The following NKAIN3 variants were observed in gnomAD, a reference collection of about 807,000 sequenced individuals.
NKAIN3 encodes the protein sodium/potassium transporting ATPase interacting 3, also known as sodium/potassium-transporting ATPase subunit beta-1-interacting protein 3.
In NKAIN3, 25 loss-of-function variants were observed where a neutral mutation model predicts 30.2. The observed-to-expected ratio is 0.83, with a 90% CI of 0.60 to 1.16. The LOEUF is 1.16. NKAIN3 is among the 50% of genes most tolerant of loss of function. The pLI is 0.00. For synonymous variants in NKAIN3, 91 were observed against 89.6 expected (o/e 1.02, Z -0.09); for missense variants, 225 against 254.1 (o/e 0.89, Z 0.78).
intron 1 of NKAIN3, among the ~76,000 whole-genome samples, chr8:62,578,905 G>A (rs1363765359): frequency 1.3e-5 from 2 of 151,916 alleles, no homozygotes; most frequent in Admixed American, 1.3e-4. Flanking sequence ...GGGGAGCGAG[G>A]AAAAGATAAA....
At chr8:62,460,579 C>T (rs1182592571) in intron 1 of NKAIN3, among the ~76,000 whole-genome samples, 1 of 151,912 alleles carries the variant, frequency 6.6e-6, no homozygotes, top group African/African-American at 2.4e-5. Flanking sequence ...CACTTGAGTC[C>T]CATTCCCTGC....
chr8:62,446,645 G>A (rs1190410501), intron 1 of NKAIN3, among the ~76,000 whole-genome samples: 1 of 152,008 alleles, frequency 6.6e-6, no homozygotes, highest in East Asian at 1.9e-4. Context: ...ACCAACCTTG[G>A]TAAACATCAT....
At chr8:62,681,305 T>G (rs73264870) in intron 3 of NKAIN3, among the ~76,000 whole-genome samples, 342 of 152,286 alleles carry the variant, frequency 2.2e-3, no homozygotes, top group African/African-American at 7.9e-3. Flanking sequence ...GAATGAGAGG[T>G]TATAGTAAAT....
intron 3 of NKAIN3, among the ~76,000 whole-genome samples, chr8:62,606,024 A>G (rs185387641): frequency 1.5e-3 from 231 of 152,274 alleles, no homozygotes; most frequent in African/African-American, 5.0e-3. Flanking sequence ...CTTCACAGAT[A>G]TGCTGTAATT....
At chr8:62,888,848 T>C (rs1270306191) in intron 4 of NKAIN3, among the ~76,000 whole-genome samples, 1 of 152,200 alleles carries the variant, frequency 6.6e-6, no homozygotes, top group Admixed American at 6.5e-5. Context: ...TTCTTACTTT[T>C]AGAGCAATGA....
At chr8:62,317,533 A>C (rs1236800355) in intron 1 of NKAIN3, among the ~76,000 whole-genome samples, 2 of 152,148 alleles carry the variant, frequency 1.3e-5, no homozygotes, top group Admixed American at 6.5e-5. Flanking sequence ...TAAATAGGGA[A>C]TCCTTTCCCC....
At chr8:62,564,321 G>T (rs1233942821) in intron 1 of NKAIN3, among the ~76,000 whole-genome samples, 1 of 151,928 alleles carries the variant, frequency 6.6e-6, no homozygotes, top group Non-Finnish European at 1.5e-5. Context: ...CTTCTGTCTT[G>T]CTCCCTACCC....
At chr8:62,719,016 C>T (rs775813618) in intron 3 of NKAIN3, among the ~76,000 whole-genome samples, 87 of 152,174 alleles carry the variant, frequency 5.7e-4, no homozygotes, top group African/African-American at 1.2e-3. Flanking sequence ...ACACAGGCTA[C>T]GAAAAGATAA....
At chr8:62,417,630 AT>A (rs1804490566) in intron 1 of NKAIN3, among the ~76,000 whole-genome samples, 2 of 152,078 alleles carry the variant, frequency 1.3e-5, no homozygotes, top group South Asian at 4.1e-4. Flanking sequence ...TCTCACCAGC[AT>A]TTTTTATTGC....
chr8:62,718,369 T>A (rs1814976354), intron 3 of NKAIN3, among the ~76,000 whole-genome samples: 1 of 152,238 alleles, frequency 6.6e-6, no homozygotes, highest in Admixed American at 6.5e-5. Flanking sequence ...AATTCCCCAG[T>A]ACTTTGTTTC....
At chr8:62,822,144 A>G (rs1818866669) in intron 4 of NKAIN3, among the ~76,000 whole-genome samples, 1 of 152,168 alleles carries the variant, frequency 6.6e-6, no homozygotes, top group South Asian at 2.1e-4. Context: ...AAAATGGAGC[A>G]TATTGCCAAA....
At chr8:62,445,138 G>C (rs920308533) in intron 1 of NKAIN3, among the ~76,000 whole-genome samples, 1 of 152,028 alleles carries the variant, frequency 6.6e-6, no homozygotes. Flanking sequence ...TAGAGACGGG[G>C]TTTCACCATG....
At chr8:62,321,709 C>A (rs1814919119) in intron 1 of NKAIN3, among the ~76,000 whole-genome samples, 1 of 149,686 alleles carries the variant, frequency 6.7e-6, no homozygotes, top group Admixed American at 6.6e-5. Flanking sequence ...CAGAGGAGTA[C>A]CTGGCTGTGT....
chr8:62,645,446 A>C (rs1812432382), intron 3 of NKAIN3, among the ~76,000 whole-genome samples: 1 of 152,158 alleles, frequency 6.6e-6, no homozygotes, highest in Non-Finnish European at 1.5e-5. Flanking sequence ...AGATGTAGGG[A>C]GAATACTCAG....
intron 1 of NKAIN3, among the ~76,000 whole-genome samples, chr8:62,575,627 A>G (rs1038006499): frequency 6.6e-6 from 1 of 152,136 alleles, no homozygotes; most frequent in Non-Finnish European, 1.5e-5. Flanking sequence ...TAAAATTTAT[A>G]TGTAGTCACA....
At chr8:62,735,487 G>A (rs1815631718) in intron 3 of NKAIN3, among the ~76,000 whole-genome samples, 1 of 151,144 alleles carries the variant, frequency 6.6e-6, no homozygotes, top group South Asian at 2.1e-4. Flanking sequence ...TTTATTTCCA[G>A]AAGTTGTGAT....
rs924277372 is a variant in NKAIN3 at position 62,970,798 on chromosome 8, T to C, written c.*5391T>C. 3.3e-5 allele frequency among the ~76,000 whole-genome samples: 5 copies of C among 152,204 alleles called. No homozygotes were observed. The highest frequency in any genetic ancestry group is 5.9e-5 in the Non-Finnish European group (4 of 68,030). ...ATTGACTAAAAACATTGAATCATTT[T>C]CCATGTAAGGCATGTTTTTCCTTTC... On this transcript the variant is annotated 3_prime_UTR_variant, in exon 7 of 7. Transcript: ENST00000623646.
At chr8:62,863,373 T>C (rs1820314854) in intron 4 of NKAIN3, 8 of 1,547,024 alleles carry the variant, frequency 5.2e-6, no homozygotes, top group Admixed American at 1.9e-5. Flanking sequence ...TTCTCACATA[T>C]GCATCATCCA....
intron 1 of NKAIN3, among the ~76,000 whole-genome samples, chr8:62,504,107 C>T (rs945695876): frequency 2.0e-5 from 3 of 152,218 alleles, no homozygotes; most frequent in South Asian, 2.1e-4. Context: ...AACAGATTCT[C>T]ATAGGAGTGT....
Sources: allele counts gnomAD v4.1 joint callset (sites outside exome capture counted in the v4.1 genomes callset), GRCh38; gene constraint gnomAD v4.1.1; transcripts MANE v1.5; gene names NCBI Gene and HGNC (gene_info 2026-07-23, HGNC 2026-07-21).